The following ATP2B4 variants were observed in gnomAD, a reference collection of about 807,000 sequenced individuals.
ATP2B4 encodes plasma membrane calcium-transporting ATPase 4.
ATP2B4 carries 39 observed loss-of-function variants against 110.3 expected under a neutral mutation model. The observed-to-expected ratio is 0.35, with a 90% confidence interval of 0.27 to 0.46. The LOEUF is 0.46. Among genes scored for constraint, ATP2B4 ranks in the 20% least tolerant of loss-of-function variants. The pLI is 1.00. For missense variants in ATP2B4, 1,135 were observed against 1,530.9 expected (o/e 0.74, Z 4.32); for synonymous variants, 538 against 571.7 (o/e 0.94, Z 0.84).
chr1:203,680,621 A>AAAGAAG (rs10672485), intron 1 of ATP2B4, among the ~76,000 whole-genome samples: 120,641 of 144,850 alleles, frequency 0.83, 51,218 homozygotes, highest in East Asian at 1. Context: ...AAAAAAAAGA[A>AAAGAAG]AAAAAAGATC....
chr1:203,634,149 A>C (rs1052314057), intron 1 of ATP2B4, among the ~76,000 whole-genome samples: 11 of 152,338 alleles, frequency 7.2e-5, no homozygotes, highest in Non-Finnish European at 1.6e-4. Context: ...ACATTACGGA[A>C]CGATTAAGTC....
At chr1:203,657,265 TA>T in intron 1 of ATP2B4, 1 of 715,784 alleles carries the variant, frequency 1.4e-6, no homozygotes, top group South Asian at 1.6e-5. Context: ...GGTTTTCTTG[TA>T]AAGCCATCTC....
At chr1:203,655,450 A>T (rs1412009948) in intron 1 of ATP2B4, among the ~76,000 whole-genome samples, 1 of 152,162 alleles carries the variant, frequency 6.6e-6, no homozygotes, top group Non-Finnish European at 1.5e-5. Context: ...GTTGGAGACC[A>T]GCCTGGCCAA....
chr1:203,650,948 C>T (rs12401297), intron 1 of ATP2B4, among the ~76,000 whole-genome samples: 49,273 of 151,950 alleles, frequency 0.32, 9,864 homozygotes, highest in African/African-American at 0.55. Flanking sequence ...TTTCGTGTTG[C>T]GTTTTTGTAG....
chr1:203,629,920 G>A lies in ATP2B4; in HGVS notation c.-465+2701G>A, dbSNP rs1040479205. Among the ~76,000 whole-genome samples the A allele has an allele frequency of 3.3e-5, 5 of 152,124 alleles. No individual in the cohort carries two copies. Among genetic ancestry groups the A allele is most frequent in the Non-Finnish European group, 4.4e-5 (3 of 68,032 alleles). ...TTGAGAGAAGCACGGGCAGTTTGGG[G>A]GCCTTGGAATCAGCCTGACGCCAGC... On this transcript the variant is annotated intron_variant, in intron 1 of 20. Coordinates refer to ENST00000357681, the MANE Select transcript of ATP2B4 (RefSeq NM_001684.5). This position sits in a 1 kb window ranked among gnomAD's most constrained non-coding sequence, Gnocchi z 4.6.
chr1:203,712,255 C>A (rs976434438), intron 13 of ATP2B4, 116 bp downstream of exon 13: 2 of 1,206,314 alleles, frequency 1.7e-6, no homozygotes, highest in Non-Finnish European at 2.3e-6. Context: ...GAAAGCTATT[C>A]GTAGTGAAAC....
intron 7 of ATP2B4, among the ~76,000 whole-genome samples, chr1:203,703,318 T>C (rs1464507967): frequency 1.3e-5 from 2 of 152,174 alleles, no homozygotes; most frequent in East Asian, 3.8e-4. Context: ...GATGGTTGTT[T>C]TAATAGTGCT....
At chr1:203,670,185 CTT>C (rs5780190) in intron 1 of ATP2B4, among the ~76,000 whole-genome samples, 45 of 148,392 alleles carry the variant, frequency 3.0e-4, no homozygotes, top group South Asian at 4.3e-4. Context: ...TTTATTTTAT[CTT>C]TTTTTTTTTT....
At chr1:203,654,908 A>G (rs990811621) in intron 1 of ATP2B4, among the ~76,000 whole-genome samples, 1 of 6,588 alleles carries the variant, frequency 1.5e-4, no homozygotes, top group African/African-American at 1.6e-4. Context: ...AAAAAAAGGA[A>G]AGAAAAAGAT....
chr1:203,732,157 CAAAAAAAAAA>C (rs567953858), intron 20 of ATP2B4, among the ~76,000 whole-genome samples: 3 of 48,108 alleles, frequency 6.2e-5, no homozygotes, highest in African/African-American at 2.1e-4. Flanking sequence ...GCCTGGGTGT[CAAAAAAAAAA>C]AAAAAAAAAG....
intron 20 of ATP2B4, among the ~76,000 whole-genome samples, chr1:203,735,016 A>C (rs1436255798): frequency 6.6e-6 from 1 of 151,560 alleles, no homozygotes; most frequent in East Asian, 1.9e-4. Context: ...AAAAAAAAAA[A>C]AAAAAAAAAC....
intron 1 of ATP2B4, among the ~76,000 whole-genome samples, chr1:203,672,324 CTTTTTTTTTTT>C (rs57144862): frequency 4.6e-4 from 37 of 79,618 alleles, no homozygotes; most frequent in African/African-American, 1.7e-3. Context: ...TGCGGTGGCT[CTTTTTTTTTTT>C]TTTTTTTTTT....
intron 2 of ATP2B4, among the ~76,000 whole-genome samples, chr1:203,697,096 A>G (rs1665555361): frequency 6.6e-6 from 1 of 152,194 alleles, no homozygotes; most frequent in African/African-American, 2.4e-5. Flanking sequence ...GTAGAATGGT[A>G]GTATCTCTCA....
chr1:203,643,002 T>A (rs985140784), intron 1 of ATP2B4, among the ~76,000 whole-genome samples: 1 of 152,204 alleles, frequency 6.6e-6, no homozygotes, highest in African/African-American at 2.4e-5. Context: ...CCTGCCCACC[T>A]GCTCCCTGCT....
intron 6 of ATP2B4, 101 bp downstream of exon 6, chr1:203,701,024 T>C (rs1665676584): frequency 1.4e-6 from 2 of 1,423,394 alleles, no homozygotes; most frequent in Non-Finnish European, 1.9e-6. Flanking sequence ...TGGAAGAATC[T>C]GCTGCCATGA....
At position 203,631,773 on chromosome 1, in the gene ATP2B4, C is replaced by T. The variant is rs78994231; in HGVS notation, c.-465+4554C>T. Among the ~76,000 whole-genome samples the T allele has an allele frequency of 8.0e-3, 1,218 of 152,110 alleles. 14 individuals are homozygous for T. The highest frequency in any genetic ancestry group is 0.029 in the African/African-American group (1,183 of 41,420). On this transcript the variant is annotated intron_variant, in intron 1 of 20. Coordinates refer to ENST00000357681, the MANE Select transcript of ATP2B4 (RefSeq NM_001684.5). Reference sequence around the variant, plus strand: ...GCTCATTCACAAATATGGAAAGCTACGTACAAGGTGATTTTTGTTTGTTTG... The same window carrying T: ...GCTCATTCACAAATATGGAAAGCTATGTACAAGGTGATTTTTGTTTGTTTG...
Position 203,703,791 on chromosome 1 carries a change from G to T in ATP2B4, c.1077G>T (p.Leu359=). ...KSVLQGKLTR[L]AVQIGKAGLL... ...TGCTGCAGGGCAAGCTGACTCGCCT[G>T]GCTGTTCAGATTGGGAAAGCCGGTG... The change falls in exon 8 of 21, where the codon CTG becomes CTT. Residue 359 remains leucine, a synonymous_variant. Coordinates refer to ENST00000357681, the MANE Select transcript of ATP2B4 (RefSeq NM_001684.5). 6.2e-7 allele frequency: 1 copy of T among 1,614,036 alleles called. No homozygotes were observed. The highest frequency in any genetic ancestry group is 8.5e-7 in the Non-Finnish European group (1 of 1,179,930).
chr1:203,720,863 G>T, intron 16 of ATP2B4, 123 bp downstream of exon 16: 1 of 1,193,482 alleles, frequency 8.4e-7, no homozygotes. Flanking sequence ...ATTGGGACAG[G>T]AGTTAGCTCT....
chr1:203,692,220 C>T (rs1264851243), intron 2 of ATP2B4, among the ~76,000 whole-genome samples: 1 of 152,008 alleles, frequency 6.6e-6, no homozygotes, highest in Non-Finnish European at 1.5e-5. Context: ...CTCTGTTGCC[C>T]AGGCTGGAAT....
Sources: gnomAD v4.1 joint callset for allele counts (sites outside exome capture counted in the v4.1 genomes callset) on GRCh38, gnomAD v4.1.1 for gene constraint, Gnocchi (gnomAD v3.1) non-coding constraint, MANE v1.5 for transcripts, NCBI Gene and HGNC (gene_info 2026-07-23, HGNC 2026-07-21) for gene names.